Variants in SNX17 observed in about 807,000 individuals in gnomAD.
SNX17 encodes sorting nexin-17.
Under a neutral mutation model 64.3 loss-of-function variants are expected in SNX17, and 35 were observed. The observed-to-expected ratio is 0.54, with a 90% CI of 0.42 to 0.72. The LOEUF is 0.72. SNX17 is among the 30% of genes least tolerant of loss of function. The pLI is 0.00. For missense variants in SNX17, 538 were observed against 610.0 expected (o/e 0.88, Z 1.24); for synonymous variants, 259 against 230.2 (o/e 1.13, Z -1.13).
Position 27,376,801 on chromosome 2 carries a change from G to A in SNX17, c.*82G>A, listed in dbSNP as rs890483239. 1.2e-5 allele frequency: 14 copies of A among 1,186,338 alleles called. No homozygotes were observed. The African/African-American group carries it at 1.2e-4, about 10-fold the overall frequency. 73.5% of individuals were successfully genotyped at this position (1,186,338 alleles called of 1,614,324 possible). A position where few individuals can be genotyped will look rare whatever the true frequency, so the allele number is the denominator to read the frequency against. On this transcript the variant is annotated 3_prime_UTR_variant, in exon 15 of 15. Coordinates refer to ENST00000233575, the MANE Select transcript of SNX17 (RefSeq NM_014748.4). ...TGTGCCTGTGTCCCCCATGCTAGGG[G>A]CGGAGGGGTCTTTTCCTTCTTCTTT...
rs1213534945 is a variant in SNX17 at position 27,377,481 on chromosome 2, C to T, written c.*762C>T. 1.3e-6 allele frequency: 2 copies of T among 1,558,024 alleles called. No homozygotes were observed. The highest frequency in any genetic ancestry group is 1.8e-6 in the Non-Finnish European group (2 of 1,132,968). On this transcript the variant is annotated 3_prime_UTR_variant, in exon 15 of 15. Transcript: ENST00000233575. This position sits in a 1 kb window ranked among gnomAD's most constrained non-coding sequence, Gnocchi z 4.4. The stretch of plus-strand genomic sequence containing the variant: ...CGTTAGTCTGTGTGGAGCCCCTGGC[C>T]AGCGGGGGAGAAAAAGGTGGCTTCT...
intron 8 of SNX17, 129 bp downstream of exon 8, chr2:27,374,887 C>T (rs1683007493): frequency 2.0e-6 from 2 of 996,294 alleles, no homozygotes; most frequent in East Asian, 2.4e-5. Context: ...ATCAGTGCTG[C>T]TGGCACAATA....
chr2:27,374,129 C>G lies in SNX17; in HGVS notation c.477C>G (p.Tyr159Ter). ...KLDLPDDLIG[Y>*]FSLFLVREKE... ...ATCTTCCAGATGACTTGATTGGATA[C>G]TTTAGTCTATTCTTAGTTCGAGAAA... Residue 159 changes from tyrosine to a stop codon, truncating the protein, a stop_gained, in exon 6 of 15, where the codon TAC (tyrosine) becomes TAG (stop). Transcript: ENST00000233575. LOFTEE classifies it high-confidence loss of function. 1 of 1,614,174 alleles carries G rather than the reference C, an allele frequency of 6.2e-7. No individual in the cohort carries two copies. The highest frequency in any genetic ancestry group is 8.5e-7 in the Non-Finnish European group (1 of 1,180,016).
chr2:27,373,374 T>C (rs1281255911), intron 4 of SNX17, 63 bp downstream of exon 4: 71 of 1,549,126 alleles, frequency 4.6e-5, no homozygotes, highest in Non-Finnish European at 5.9e-5. Context: ...ATGTCTTTTA[T>C]TTTTTTGAGA....
rs1481964984 is a variant in SNX17, at chr2:27,377,125, C to T, written c.*406C>T. The T allele has an allele frequency of 4.9e-6, 2 of 409,242 alleles. No homozygotes were observed. Among genetic ancestry groups the T allele is most frequent in the African/African-American group, 2.0e-5 (1 of 49,030 alleles). 25.4% of individuals were successfully genotyped at this position (409,242 alleles called of 1,614,324 possible). On this transcript the variant is annotated 3_prime_UTR_variant, in exon 15 of 15. Coordinates refer to ENST00000233575, the MANE Select transcript of SNX17 (RefSeq NM_014748.4). This position sits in a 1 kb window ranked among gnomAD's most constrained non-coding sequence, Gnocchi z 4.4. ...ATCATTAAACTCAGCCTGACTGCTG[C>T]CTACCTCTGGTTCCCTCTCACTGCC... is the stretch of plus-strand genomic sequence containing the variant.
intron 4 of SNX17, 143 bp downstream of exon 4, chr2:27,373,454 C>A: frequency 1.3e-6 from 1 of 790,866 alleles, no homozygotes; most frequent in Non-Finnish European, 2.0e-6. Context: ...TCTCCGCCTC[C>A]CGGATTCAAG....
rs140397027 is a variant in SNX17 at position 27,373,016 on chromosome 2, T to G, written c.257-231T>G. 3.6e-4 allele frequency: 560 copies of G among 1,534,304 alleles called. 4 individuals are homozygous for G. The African/African-American group carries it at 6.7e-3, about 18-fold the overall frequency. On this transcript the variant is annotated intron_variant, in intron 3 of 14. Coordinates refer to ENST00000233575, the MANE Select transcript of SNX17 (RefSeq NM_014748.4). ...TAATTTGTATCTGATGTGCTTTAGA[T>G]TAACATCATTGTTATTTCCCTAGTT...
rs200380650 is a variant in SNX17 at position 27,376,543 on chromosome 2, T to A, written c.1299+23T>A. ...TCAGTGAGTTCCAGCGTTGGTGAGG[T>A]TGCTGTTTGTTGGGGGATCTTGCAC... On this transcript the variant is annotated intron_variant, in intron 14 of 14. Transcript: ENST00000233575. 3.4e-5 allele frequency: 55 copies of A among 1,614,134 alleles called. No individual in the cohort carries two copies. In the African/African-American group the frequency reaches 5.7e-4, roughly 17 times the overall value.
intron 2 of SNX17, chr2:27,371,599 A>C: frequency 3.5e-6 from 2 of 564,686 alleles, no homozygotes; most frequent in Admixed American, 4.5e-5. Flanking sequence ...AGTAGCCTTT[A>C]CCCCTGCATG....
Position 27,374,402 on chromosome 2 carries a change from A to G in SNX17, c.580A>G (p.Ser194Gly). 6.2e-7 allele frequency: 1 copy of G among 1,613,128 alleles called. No homozygotes were observed. The highest frequency in any genetic ancestry group is 8.5e-7 in the Non-Finnish European group (1 of 1,179,884). ...LPYVSVTSLR[S>G]QEYKIVLRKS... ...TTATGTGTCTGTCACCAGCCTTCGG[A>G]GTCAAGAGTATAAGATTGTGCTAAG... The change falls in exon 7 of 15, where the codon AGT becomes GGT. Residue 194 changes from serine (S) to glycine (G), a missense_variant. Physicochemically the swap from Ser to Gly is moderately conservative, Grantham distance 56. Coordinates refer to ENST00000233575, the MANE Select transcript of SNX17 (RefSeq NM_014748.4).
chr2:27,377,097 C>A lies in SNX17; in HGVS notation c.*378C>A, dbSNP rs1168974503. 1 of 405,882 alleles carries A rather than the reference C, an allele frequency of 2.5e-6. No individual in the cohort carries two copies. The highest frequency in any genetic ancestry group is 4.6e-6 in the Non-Finnish European group (1 of 216,548). The allele number at this position is 405,882 out of a possible 1,614,324, so 25.1% of individuals were successfully genotyped here. ...GTCTGTGTTTGGTCTGGCCCAGTTCCCCATCATTAAACTCAGCCTGACTGC... is the reference window on the plus strand; with the variant it reads ...GTCTGTGTTTGGTCTGGCCCAGTTCACCATCATTAAACTCAGCCTGACTGC... On this transcript the variant is annotated 3_prime_UTR_variant, in exon 15 of 15. Transcript: ENST00000233575. This position sits in a 1 kb window ranked among gnomAD's most constrained non-coding sequence, Gnocchi z 4.4.
chr2:27,375,287 CG>C lies in SNX17; in HGVS notation c.774+135del. 1 of 903,364 alleles carries C rather than the reference CG, an allele frequency of 1.1e-6. No homozygotes were observed. Among genetic ancestry groups the C allele is most frequent in the Non-Finnish European group, 1.7e-6 (1 of 592,676 alleles). 56.0% of individuals were successfully genotyped at this position (903,364 alleles called of 1,614,324 possible). ...CCGAGTAGCTGGGACTACAGGCACC[CG>C]CCACGACGCCCGGCTAATTTTTTGT... is the stretch of plus-strand genomic sequence containing the variant. On this transcript the variant is annotated intron_variant, in intron 9 of 14. Transcript: ENST00000233575. This position sits in a 1 kb window ranked among gnomAD's most constrained non-coding sequence, Gnocchi z 4.1.
chr2:27,376,387 TGTAA>T lies in SNX17; in HGVS notation c.1257+4_1257+7del, dbSNP rs766549791. On this transcript the variant is annotated splice_donor_variant and splice_donor_region_variant and intron_variant, in intron 13 of 14. Coordinates refer to ENST00000233575, the MANE Select transcript of SNX17 (RefSeq NM_014748.4). LOFTEE classifies it high-confidence loss of function. ...AAGCAGTGAAGTCCCCACCACTGCT[TGTAA>T]GTATTACCTCCTGGTCAGAACCCTG... The T allele has an allele frequency of 1.2e-6, 2 of 1,613,964 alleles. No individual in the cohort carries two copies. The highest frequency in any genetic ancestry group is 8.5e-7 in the Non-Finnish European group (1 of 1,179,942).
rs141583801 is a variant in SNX17, at chr2:27,375,676, C to A, written c.945C>A (p.Val315=). 1 of 1,614,164 alleles carries A rather than the reference C, an allele frequency of 6.2e-7. No individual in the cohort carries two copies. The highest frequency in any genetic ancestry group is 1.7e-5 in the Admixed American group (1 of 60,024). ...GQQLREGSFR[V]TRMRCWRVTS... Reference sequence around the variant, plus strand: ...AACTCCGAGAAGGCTCCTTCCGGGTCACCCGCATGCGATGCTGGCGGGTCA... The same window carrying A: ...AACTCCGAGAAGGCTCCTTCCGGGTAACCCGCATGCGATGCTGGCGGGTCA... Residue 315 remains valine (V), a synonymous_variant, in exon 10 of 15, where the codon GTC becomes GTA. Transcript: ENST00000233575. The surrounding 1 kb of genome is among the most constrained non-coding windows in gnomAD (Gnocchi z 4.1).
rs763215652 is a variant in SNX17 at position 27,377,493 on chromosome 2, A to G, written c.*774A>G. ...TGGAGCCCCTGGCCAGCGGGGGAGA[A>G]AAAGGTGGCTTCTGGTCCGTCTGTA... is the stretch of plus-strand genomic sequence containing the variant. On this transcript the variant is annotated 3_prime_UTR_variant, in exon 15 of 15. Transcript: ENST00000233575. The surrounding 1 kb of genome is among the most constrained non-coding windows in gnomAD (Gnocchi z 4.4). The G allele has an allele frequency of 1.2e-5, 19 of 1,599,554 alleles. No individual in the cohort carries two copies. In the African/African-American group the frequency reaches 2.1e-4, roughly 18 times the overall value.
chr2:27,375,007 T>A lies in SNX17; in HGVS notation c.682-54T>A. ...TGGACAGAGGTAATGGTAGACGCTTTCCTTGGATTGCTGACTGGGACCTCC... is the reference window on the plus strand; with the variant it reads ...TGGACAGAGGTAATGGTAGACGCTTACCTTGGATTGCTGACTGGGACCTCC... On this transcript the variant is annotated intron_variant, in intron 8 of 14. Transcript: ENST00000233575. This position sits in a 1 kb window ranked among gnomAD's most constrained non-coding sequence, Gnocchi z 4.1. 6.6e-7 allele frequency: 1 copy of A among 1,526,694 alleles called. No homozygotes were observed. Among genetic ancestry groups the A allele is most frequent in the Non-Finnish European group, 9.1e-7 (1 of 1,100,624 alleles). 94.6% of individuals were successfully genotyped at this position (1,526,694 alleles called of 1,614,324 possible). A position where few individuals can be genotyped will look rare whatever the true frequency, so the allele number is the denominator to read the frequency against.
rs752651578 is a variant in SNX17 at position 27,374,154 on chromosome 2, A to G, written c.502A>G (p.Lys168Glu). The change falls in exon 6 of 15, where the codon AAA becomes GAA. Residue 168 changes from lysine (K) to glutamate (E), a missense_variant. By Grantham distance (56) the Lys-to-Glu change is moderately conservative (BLOSUM62 1). This residue lies in a region of SNX17 where 505 missense variants were observed against 550.4 expected (regional missense o/e 0.92). Transcript: ENST00000233575. ...GYFSLFLVRE[K>E]EDGAFSFVRK... The stretch of plus-strand genomic sequence containing the variant: ...CTTTAGTCTATTCTTAGTTCGAGAA[A>G]AAGAGGATGGAGCCTTTTCTTGTGA... 3 of 1,613,986 alleles carry G rather than the reference A, an allele frequency of 1.9e-6. No individual in the cohort carries two copies. Among genetic ancestry groups the G allele is most frequent in the East Asian group, 2.2e-5 (1 of 44,900 alleles).
chr2:27,375,636 G>T lies in SNX17; in HGVS notation c.905G>T (p.Arg302Leu), dbSNP rs764832593. The change falls in exon 10 of 15, where the codon CGC becomes CTC. Residue 302 changes from arginine (R) to leucine (L), a missense_variant. Arg to Leu is a moderately radical substitution (Grantham distance 102). Coordinates refer to ENST00000233575, the MANE Select transcript of SNX17 (RefSeq NM_014748.4). The surrounding 1 kb of genome is among the most constrained non-coding windows in gnomAD (Gnocchi z 4.1). ...AACAGTGAGCTCAGCCTGCAGCTCC[G>T]CCTGCCTGGCCAGCAACTCCGAGAA... is the stretch of plus-strand genomic sequence containing the variant. ...AGNSELSLQL[R>L]LPGQQLREGS... 1.9e-6 allele frequency: 3 copies of T among 1,614,176 alleles called. No homozygotes were observed. Among genetic ancestry groups the T allele is most frequent in the Non-Finnish European group, 2.5e-6 (3 of 1,180,042 alleles).
chr2:27,371,506 A>C, intron 2 of SNX17, 163 bp downstream of exon 2: 1 of 1,349,882 alleles, frequency 7.4e-7, no homozygotes, highest in Non-Finnish European at 9.6e-7. Context: ...ATTTCCGGGA[A>C]CTCCCTAAGA....
Sources: allele counts gnomAD v4.1 joint callset, GRCh38; gene constraint gnomAD v4.1.1; regional missense constraint gnomAD v4.1.1; non-coding constraint Gnocchi (gnomAD v3.1); transcripts MANE v1.5; gene names NCBI Gene and HGNC (gene_info 2026-07-23, HGNC 2026-07-21).